The following PDE11A variants were observed in gnomAD, a reference collection of about 807,000 sequenced individuals.
PDE11A encodes the protein phosphodiesterase 11A.
PDE11A carries 100 observed loss-of-function variants against 100.5 expected under a neutral mutation model. The observed-to-expected ratio is 1.00, with a 90% CI of 0.85 to 1.18. PDE11A has a LOEUF of 1.18. Among genes scored for constraint, PDE11A ranks in the 50% most tolerant of loss-of-function variants. PDE11A has a pLI of 0.00. For missense variants in PDE11A, 1,141 were observed against 1,152.6 expected, an observed-to-expected ratio of 0.99 and a Z score of 0.15; for synonymous variants, 381 against 420.8, an observed-to-expected ratio of 0.91 and a Z score of 1.16.
intron 2 of PDE11A, among the ~76,000 whole-genome samples, chr2:177,949,401 C>T (rs922767340): frequency 7.2e-5 from 11 of 152,272 alleles, no homozygotes; most frequent in Non-Finnish European, 1.0e-4. Flanking sequence ...AGCCCTCCAT[C>T]CAGAGATAGC....
intron 10 of PDE11A, among the ~76,000 whole-genome samples, chr2:177,728,756 C>T (rs2081639966): frequency 6.6e-6 from 1 of 152,102 alleles, no homozygotes; most frequent in Admixed American, 6.6e-5. Context: ...TTAGCATAAG[C>T]CTATGTTTCA....
At chr2:178,052,179 C>T (rs2086837346) in intron 1 of PDE11A, among the ~76,000 whole-genome samples, 1 of 152,290 alleles carries the variant, frequency 6.6e-6, no homozygotes, top group East Asian at 1.9e-4. Context: ...GACCACAGTG[C>T]AATCAAATTA....
intron 10 of PDE11A, among the ~76,000 whole-genome samples, chr2:177,739,813 T>C (rs1488157674): frequency 1.3e-5 from 2 of 152,258 alleles, no homozygotes; most frequent in African/African-American, 4.8e-5. Flanking sequence ...ATATTGGTTT[T>C]TGCCATAAAA....
intron 2 of PDE11A, among the ~76,000 whole-genome samples, chr2:177,942,186 A>G (rs1356372506): frequency 6.6e-6 from 1 of 152,170 alleles, no homozygotes; most frequent in Non-Finnish European, 1.5e-5. Context: ...TCATTCCCTC[A>G]TTTTATGACC....
intron 15 of PDE11A, among the ~76,000 whole-genome samples, chr2:177,681,903 T>A (rs1206551784): frequency 6.6e-6 from 1 of 152,242 alleles, no homozygotes; most frequent in Non-Finnish European, 1.5e-5. Flanking sequence ...CAAAATATAT[T>A]TATTTGACAT....
At chr2:177,952,425 G>A (rs2085515773) in intron 2 of PDE11A, among the ~76,000 whole-genome samples, 1 of 152,112 alleles carries the variant, frequency 6.6e-6, no homozygotes, top group Non-Finnish European at 1.5e-5. Flanking sequence ...GGCCCACACC[G>A]GATTTTCTCT....
intron 17 of PDE11A, among the ~76,000 whole-genome samples, chr2:177,672,729 G>T (rs537779689): frequency 6.6e-6 from 1 of 152,334 alleles, no homozygotes; most frequent in African/African-American, 2.4e-5. Flanking sequence ...GGAGGAACAG[G>T]CTTATAACCA....
intron 2 of PDE11A, among the ~76,000 whole-genome samples, chr2:178,089,347 G>A (rs2087394171): frequency 1.3e-5 from 2 of 152,168 alleles, no homozygotes; most frequent in Non-Finnish European, 2.9e-5. Flanking sequence ...TTTGCAGTAG[G>A]GAGAAAGATT....
intron 1 of PDE11A, among the ~76,000 whole-genome samples, chr2:178,020,408 C>G (rs556384227): frequency 6.6e-6 from 1 of 152,178 alleles, no homozygotes; most frequent in Non-Finnish European, 1.5e-5. Context: ...CACTGGGATG[C>G]TTTAGCATGA....
intron 2 of PDE11A, among the ~76,000 whole-genome samples, chr2:177,986,095 A>T (rs1343061486): frequency 6.6e-6 from 1 of 152,206 alleles, no homozygotes; most frequent in Admixed American, 6.5e-5. Flanking sequence ...AACTACAAAC[A>T]CTGCAAAGAA....
At chr2:177,820,341 C>T (rs776186357) in intron 6 of PDE11A, 46 bp from the exon 7 acceptor site, 1 of 1,042,212 alleles carries the variant, frequency 9.6e-7, no homozygotes, top group South Asian at 1.3e-5. Context: ...ATTAACTATT[C>T]ATTTTTGATT....
intron 10 of PDE11A, among the ~76,000 whole-genome samples, chr2:177,759,605 C>T (rs1331265442): frequency 6.6e-6 from 1 of 152,158 alleles, no homozygotes; most frequent in African/African-American, 2.4e-5. Flanking sequence ...TTCCAGATGT[C>T]AAGAGATTTT....
intron 9 of PDE11A, among the ~76,000 whole-genome samples, chr2:177,785,055 C>T (rs2082512568): frequency 6.6e-6 from 1 of 152,086 alleles, no homozygotes; most frequent in African/African-American, 2.4e-5. Context: ...AATGGGGGGC[C>T]AGTATAGTTT....
At chr2:177,988,277 G>T (rs1266803524) in intron 2 of PDE11A, among the ~76,000 whole-genome samples, 1 of 152,128 alleles carries the variant, frequency 6.6e-6, no homozygotes, top group Admixed American at 6.5e-5. Flanking sequence ...GAAACTCTTC[G>T]ATCTACCTTG....
At chr2:177,819,925 A>G (rs59406093) in intron 7 of PDE11A, among the ~76,000 whole-genome samples, 56,656 of 126,982 alleles carry the variant, frequency 0.45, 12,812 homozygotes, top group African/African-American at 0.66. Context: ...TTTTTTTTTC[A>G]CTCTCTGCCT....
intron 2 of PDE11A, among the ~76,000 whole-genome samples, chr2:178,088,667 A>G (rs1283044085): frequency 6.6e-6 from 1 of 152,234 alleles, no homozygotes; most frequent in Non-Finnish European, 1.5e-5. Flanking sequence ...AAAAGTGATC[A>G]GTGTTCCTAT....
intron 13 of PDE11A, among the ~76,000 whole-genome samples, chr2:177,704,581 T>A (rs1217368524): frequency 2.7e-5 from 4 of 150,744 alleles, no homozygotes; most frequent in Non-Finnish European, 4.4e-5. Context: ...GCAAAAAAAA[T>A]AAATAAATAA....
At chr2:177,823,783 G>A (rs1385030970) in intron 6 of PDE11A, among the ~76,000 whole-genome samples, 1 of 152,188 alleles carries the variant, frequency 6.6e-6, no homozygotes, top group African/African-American at 2.4e-5. Flanking sequence ...GCACTAGGAT[G>A]GCTGGGTCTG....
At chr2:177,859,610 A>G (rs2083909667) in intron 5 of PDE11A, among the ~76,000 whole-genome samples, 1 of 151,920 alleles carries the variant, frequency 6.6e-6, no homozygotes, top group South Asian at 2.1e-4. Flanking sequence ...CAACACTATA[A>G]AACAACTAGA....
Sources: gnomAD v4.1 joint callset for allele counts (sites outside exome capture counted in the v4.1 genomes callset) on GRCh38, gnomAD v4.1.1 for gene constraint, MANE v1.5 for transcripts, NCBI Gene and HGNC (gene_info 2026-07-23, HGNC 2026-07-21) for gene names.